The following ERC2 variants were observed in gnomAD, a reference collection of about 807,000 sequenced individuals.
The protein encoded by ERC2 is ELKS/RAB6-interacting/CAST family member 2.
ERC2 carries 42 observed loss-of-function variants against 114.8 expected under a neutral mutation model. The observed-to-expected ratio is 0.37, with a 90% CI of 0.29 to 0.47. ERC2 has a LOEUF of 0.47. Ranked by LOEUF, ERC2 falls within the 20% of genes least tolerant of loss-of-function variation. The pLI is 0.99. For missense variants in ERC2, 939 were observed against 1,150.7 expected, an observed-to-expected ratio of 0.82 and a Z score of 2.66; for synonymous variants, 454 against 425.5, an observed-to-expected ratio of 1.07 and a Z score of -0.82.
chr3:55,853,752 C>A (rs1474596887), intron 14 of ERC2, among the ~76,000 whole-genome samples: 2 of 151,924 alleles, frequency 1.3e-5, no homozygotes, highest in East Asian at 3.9e-4. Context: ...CTGCCAGGGG[C>A]CAGGGAGAGG....
At chr3:55,620,502 C>A (rs1484910362) in intron 17 of ERC2, among the ~76,000 whole-genome samples, 2 of 152,210 alleles carry the variant, frequency 1.3e-5, no homozygotes, top group African/African-American at 4.8e-5. Context: ...TCTGCACATT[C>A]CGGAGAAGGA....
chr3:56,445,466 C>G (rs1439732744), intron 1 of ERC2, among the ~76,000 whole-genome samples: 1 of 152,212 alleles, frequency 6.6e-6, no homozygotes, highest in East Asian at 1.9e-4. Context: ...TACTTCATAC[C>G]TCCTAAAGCT....
chr3:55,810,057 T>C (rs943598226), intron 14 of ERC2, among the ~76,000 whole-genome samples: 2 of 152,204 alleles, frequency 1.3e-5, no homozygotes, highest in African/African-American at 4.8e-5. Flanking sequence ...TTTAACTCAC[T>C]GGCATGTCTA....
chr3:55,661,432 C>T (rs1427093393), intron 17 of ERC2, among the ~76,000 whole-genome samples: 1 of 152,196 alleles, frequency 6.6e-6, no homozygotes, highest in African/African-American at 2.4e-5. Flanking sequence ...TTCCTTTTAT[C>T]ACAGCCTCGT....
intron 13 of ERC2, among the ~76,000 whole-genome samples, chr3:55,945,039 T>C (rs1474260402): frequency 6.6e-6 from 1 of 152,212 alleles, no homozygotes; most frequent in Non-Finnish European, 1.5e-5. Context: ...CCCATCAAGG[T>C]AGAAAACTGC....
chr3:55,894,136 T>C (rs1215012859), intron 13 of ERC2, among the ~76,000 whole-genome samples: 1 of 152,156 alleles, frequency 6.6e-6, no homozygotes, highest in Non-Finnish European at 1.5e-5. Context: ...ATAACTTTTT[T>C]CCCAGGTGGA....
intron 14 of ERC2, among the ~76,000 whole-genome samples, chr3:55,854,361 G>A (rs542929686): frequency 6.6e-6 from 1 of 152,236 alleles, no homozygotes; most frequent in South Asian, 2.1e-4. Context: ...TGCTTTTGTA[G>A]TTGTTTTGTT....
intron 14 of ERC2, among the ~76,000 whole-genome samples, chr3:55,882,557 A>G (rs1033799196): frequency 3.9e-5 from 6 of 152,242 alleles, no homozygotes; most frequent in African/African-American, 1.4e-4. Flanking sequence ...TGCACTGAAC[A>G]TGTACAGACT....
At chr3:55,741,579 C>G (rs1473712200) in intron 14 of ERC2, among the ~76,000 whole-genome samples, 1 of 152,042 alleles carries the variant, frequency 6.6e-6, no homozygotes. Context: ...TCAATCTATC[C>G]CTTTTGCCTT....
chr3:56,188,444 C>T (rs1410717393), intron 3 of ERC2, among the ~76,000 whole-genome samples: 1 of 152,170 alleles, frequency 6.6e-6, no homozygotes, highest in Non-Finnish European at 1.5e-5. Context: ...CTACACACCC[C>T]CACGGTCCAG....
At chr3:55,597,808 T>C (rs924274823) in intron 17 of ERC2, among the ~76,000 whole-genome samples, 5 of 152,332 alleles carry the variant, frequency 3.3e-5, no homozygotes, top group Middle Eastern at 3.4e-3. Flanking sequence ...TAGCCCTTCA[T>C]AGAGATATAG....
At chr3:55,657,828 T>C (rs1332428664) in intron 17 of ERC2, 1 of 152,110 alleles carries the variant, frequency 6.6e-6, no homozygotes, top group Non-Finnish European at 1.5e-5. Flanking sequence ...CAATTTTTAA[T>C]TAAAGGATGT....
intron 17 of ERC2, among the ~76,000 whole-genome samples, chr3:55,569,945 C>T (rs981751736): frequency 1.3e-5 from 2 of 150,674 alleles, no homozygotes; most frequent in Non-Finnish European, 2.9e-5. Context: ...GCAACCTCCA[C>T]CTCCCGGGTT....
chr3:55,885,100 CT>C (rs1340745216), intron 14 of ERC2, among the ~76,000 whole-genome samples: 11 of 152,186 alleles, frequency 7.2e-5, no homozygotes, highest in African/African-American at 2.7e-4. Context: ...CAGCCTCTCC[CT>C]TCCCACCAGG....
At chr3:56,466,412 C>A (rs974084238) in intron 1 of ERC2, among the ~76,000 whole-genome samples, 5 of 152,192 alleles carry the variant, frequency 3.3e-5, no homozygotes, top group Non-Finnish European at 5.9e-5. Flanking sequence ...TGAGATGGAT[C>A]TGGTCCTTCA....
intron 2 of ERC2, among the ~76,000 whole-genome samples, chr3:56,407,425 C>T (rs1560770259): frequency 6.6e-6 from 1 of 152,176 alleles, no homozygotes; most frequent in Non-Finnish European, 1.5e-5. Flanking sequence ...CACTTCAGAA[C>T]CACAGAGGGT....
At chr3:55,848,972 A>G (rs926093975) in intron 14 of ERC2, among the ~76,000 whole-genome samples, 3 of 152,190 alleles carry the variant, frequency 2.0e-5, no homozygotes, top group African/African-American at 7.2e-5. Flanking sequence ...TAACATGCCT[A>G]GTACCAGTTT....
At chr3:55,670,257 C>T (rs1402534447) in intron 17 of ERC2, among the ~76,000 whole-genome samples, 5 of 152,110 alleles carry the variant, frequency 3.3e-5, no homozygotes, top group African/African-American at 1.2e-4. Context: ...TATATGCAGA[C>T]TGGACATTCT....
chr3:55,791,348 C>A (rs1414535857), intron 14 of ERC2, among the ~76,000 whole-genome samples: 1 of 151,884 alleles, frequency 6.6e-6, no homozygotes, highest in East Asian at 1.9e-4. Context: ...TATAAACAGA[C>A]ATAAAAGATA....
Sources: allele counts gnomAD v4.1 joint callset (sites outside exome capture counted in the v4.1 genomes callset), GRCh38; gene constraint gnomAD v4.1.1; transcripts MANE v1.5; gene names NCBI Gene and HGNC (gene_info 2026-07-23, HGNC 2026-07-21).